The following OTOA variants were observed in gnomAD, a reference collection of about 807,000 sequenced individuals.
The protein encoded by OTOA is cancer/testis antigen 108.
OTOA carries 70 observed loss-of-function variants against 110.8 expected under a neutral mutation model. The ratio of observed to expected loss-of-function variants is 0.63; its 90% confidence interval spans 0.52 to 0.77. The LOEUF is 0.77. Among genes scored for constraint, OTOA ranks in the 30% least tolerant of loss-of-function variants. The probability of loss-of-function intolerance (pLI) is 0.00; values close to 1 mark genes in which losing one functional copy is unlikely to be tolerated. For synonymous variants in OTOA, 373 were observed against 431.5 expected, an observed-to-expected ratio of 0.86 and a Z score of 1.68; for missense variants, 917 against 1,075.8, an observed-to-expected ratio of 0.85 and a Z score of 2.06.
intron 13 of OTOA, among the ~76,000 whole-genome samples, chr16:21,711,869 C>A (rs962016099): frequency 1.3e-5 from 2 of 152,184 alleles, no homozygotes; most frequent in African/African-American, 4.8e-5. Flanking sequence ...ATAATAATAA[C>A]AAACATTTGT....
At chr16:21,727,861 CTTTTT>C (rs1247263694) in intron 19 of OTOA, among the ~76,000 whole-genome samples, 1 of 133,904 alleles carries the variant, frequency 7.5e-6, no homozygotes, top group African/African-American at 2.7e-5. Context: ...GGGATCGGAA[CTTTTT>C]TTTTTTTTTT....
At chr16:21,700,854 C>T (rs1898038030) in intron 10 of OTOA, 34 bp from the exon 11 acceptor site, 1 of 1,613,262 alleles carries the variant, frequency 6.2e-7, no homozygotes, top group Non-Finnish European at 8.5e-7. Flanking sequence ...TTCCACCCTC[C>T]TCACTGATAT....
chr16:21,665,985 G>C (rs777306895), intron 1 of OTOA, among the ~76,000 whole-genome samples: 1 of 151,978 alleles, frequency 6.6e-6, no homozygotes, highest in Non-Finnish European at 1.5e-5. Context: ...CATGCACCCA[G>C]CTAATTTTTA....
In OTOA at chr16:21,705,296, C is replaced by G. The variant is rs373888713; in HGVS notation, c.1104+4C>G. The stretch of plus-strand genomic sequence containing the variant: ...CTTCCAGGCTGGCGTCCAGAAGGTA[C>G]AGCTGGGGTGCAAGGCCCTGAGGCC... On this transcript the variant is annotated splice_donor_region_variant and intron_variant, in intron 12 of 28. Transcript: ENST00000646100. 1.4e-5 allele frequency: 23 copies of G among 1,613,528 alleles called. No homozygotes were observed. Among genetic ancestry groups the G allele is most frequent in the Admixed American group, 8.3e-5 (5 of 59,992 alleles).
intron 21 of OTOA, among the ~76,000 whole-genome samples, chr16:21,733,791 G>C (rs1021854371): frequency 6.6e-6 from 1 of 151,628 alleles, no homozygotes; most frequent in Non-Finnish European, 1.5e-5. Context: ...GTTGTGTTAG[G>C]CAATTCTTTT....
chr16:21,734,823 G>C (rs138012750), intron 21 of OTOA, among the ~76,000 whole-genome samples: 2 of 151,060 alleles, frequency 1.3e-5, no homozygotes, highest in African/African-American at 4.9e-5. Flanking sequence ...GTGATAGAGC[G>C]AGACTCCGTC....
At chr16:21,744,431 G>GC (rs1371012694) in intron 23 of OTOA, among the ~76,000 whole-genome samples, 1 of 144,670 alleles carries the variant, frequency 6.9e-6, no homozygotes, top group Admixed American at 7.0e-5. Context: ...CCAAGTGTGA[G>GC]CCACCGCACC....
chr16:21,711,863 TAATA>T (rs1898368358), intron 13 of OTOA, among the ~76,000 whole-genome samples: 1 of 152,200 alleles, frequency 6.6e-6, no homozygotes, highest in Non-Finnish European at 1.5e-5. Context: ...AATCAAATAA[TAATA>T]ACAAACATTT....
rs185776371 is a variant in OTOA, at chr16:21,678,983, T to C, written c.120+40T>C. The C allele has an allele frequency of 2.5e-6, 4 of 1,613,856 alleles. No homozygotes were observed. In the East Asian group the frequency reaches 6.7e-5, roughly 27 times the overall value. On this transcript the variant is annotated intron_variant, in intron 3 of 28. Coordinates refer to ENST00000646100, the MANE Select transcript of OTOA (RefSeq NM_144672.4). The stretch of plus-strand genomic sequence containing the variant: ...TTCTGTTAATCAGAGTCCCCTCTAC[T>C]GGAATTGCCAACTTTTGGTTGTTAT...
intron 9 of OTOA, among the ~76,000 whole-genome samples, chr16:21,695,137 C>T (rs775350633): frequency 2.2e-4 from 34 of 151,930 alleles, no homozygotes; most frequent in Non-Finnish European, 1.9e-4. Flanking sequence ...TGGTCGCTTA[C>T]ACCTCTAATC....
At chr16:21,704,046 G>A (rs1898105613) in intron 11 of OTOA, among the ~76,000 whole-genome samples, 1 of 152,150 alleles carries the variant, frequency 6.6e-6, no homozygotes. Context: ...GAGAAGTTAA[G>A]TAACTTGGTG....
chr16:21,691,983 C>A (rs960316905), intron 9 of OTOA, among the ~76,000 whole-genome samples: 3 of 152,026 alleles, frequency 2.0e-5, no homozygotes, highest in Non-Finnish European at 4.4e-5. Flanking sequence ...TCAATGTGAA[C>A]CTTGAGTAGG....
At chr16:21,717,307 GA>G (rs1230870395) in intron 15 of OTOA, among the ~76,000 whole-genome samples, 1 of 152,094 alleles carries the variant, frequency 6.6e-6, no homozygotes, top group African/African-American at 2.4e-5. Flanking sequence ...CAGGCATGGT[GA>G]TGCATGTCTG....
At chr16:21,678,976 C>T (rs574312459) in intron 3 of OTOA, 33 bp downstream of exon 3, 51 of 1,613,646 alleles carry the variant, frequency 3.2e-5, no homozygotes, top group Non-Finnish European at 3.8e-5. Context: ...ATCAGAGTCC[C>T]CTCTACTGGA....
chr16:21,726,337 C>G (rs889606975), intron 18 of OTOA, among the ~76,000 whole-genome samples, 186 bp from the exon 19 acceptor site: 3 of 151,974 alleles, frequency 2.0e-5, no homozygotes, highest in African/African-American at 7.3e-5. Context: ...TTTGTTCCCA[C>G]CCATAGAAGA....
At chr16:21,667,159 T>C (rs761035613) in intron 1 of OTOA, among the ~76,000 whole-genome samples, 4 of 152,196 alleles carry the variant, frequency 2.6e-5, no homozygotes, top group African/African-American at 4.8e-5. Context: ...ACCTACAAAG[T>C]GCTTTGGGAT....
At chr16:21,714,921 G>A in intron 13 of OTOA, 64 bp from the exon 14 acceptor site, 2 of 1,604,590 alleles carry the variant, frequency 1.2e-6, no homozygotes, top group Non-Finnish European at 1.7e-6. Context: ...TAGATGGGCT[G>A]AGTGCACGTT....
intron 14 of OTOA, 31 bp from the exon 15 acceptor site, chr16:21,716,874 CAA>C: frequency 5.0e-6 from 8 of 1,612,934 alleles, no homozygotes; most frequent in Non-Finnish European, 6.8e-6. Flanking sequence ...GCATTTTTTA[CAA>C]TGTTGTTTTG....
intron 17 of OTOA, among the ~76,000 whole-genome samples, chr16:21,721,961 C>G (rs536341136): frequency 6.6e-6 from 1 of 151,642 alleles, no homozygotes; most frequent in East Asian, 1.9e-4. Context: ...CAGTGGCTCA[C>G]GCCAGTAATC....
Sources: gnomAD v4.1 joint callset for allele counts (sites outside exome capture counted in the v4.1 genomes callset) on GRCh38, gnomAD v4.1.1 for gene constraint, MANE v1.5 for transcripts, NCBI Gene and HGNC (gene_info 2026-07-23, HGNC 2026-07-21) for gene names.